STOML3: variants seen among roughly 807,000 people sequenced by gnomAD.
STOML3 encodes stomatin-like protein 3.
STOML3 carries 31 observed loss-of-function variants against 29.5 expected under a neutral mutation model. That is an observed-to-expected ratio of 1.05 (90% CI 0.79 to 1.42). The LOEUF is 1.42. Ranked by LOEUF, STOML3 falls within the 40% of genes most tolerant of loss-of-function variation. The pLI is 0.00. For synonymous variants in STOML3, 122 were observed against 139.8 expected (o/e 0.87, Z 0.90); for missense variants, 380 against 363.0 (o/e 1.05, Z -0.38).
chr13:38,990,580 C>T lies in STOML3; in HGVS notation c.52+90G>A, dbSNP rs545110173. The T allele has an allele frequency of 3.3e-5, 43 of 1,302,564 alleles. No individual in the cohort carries two copies. In the African/African-American group the frequency reaches 5.9e-4, roughly 18 times the overall value. The allele number at this position is 1,302,564 out of a possible 1,614,324, so 80.7% of individuals were successfully genotyped here. A position where few individuals can be genotyped will look rare whatever the true frequency, so the allele number is the denominator to read the frequency against. ...GAGGCCGATTTCTGCAAATATATCTCATACTTACTCTATACCTGTCTATAA... is the reference window on the plus strand; with the variant it reads ...GAGGCCGATTTCTGCAAATATATCTTATACTTACTCTATACCTGTCTATAA... On this transcript the variant is annotated intron_variant, in intron 1 of 6. Transcript: ENST00000379631.
intron 1 of STOML3, among the ~76,000 whole-genome samples, chr13:38,988,192 T>G (rs1868726422): frequency 1.4e-5 from 1 of 72,524 alleles, no homozygotes; most frequent in Admixed American, 2.2e-4. Context: ...ATATAAAATA[T>G]ATTATATTTC....
chr13:38,990,656 A>G lies in STOML3; in HGVS notation c.52+14T>C. Reference sequence around the variant, plus strand: ...ATGTAAAAAACAAGCCTAAGACAGGAAAAAGGAACTTACCCACGAAATTCT... The same window carrying G: ...ATGTAAAAAACAAGCCTAAGACAGGGAAAAGGAACTTACCCACGAAATTCT... On this transcript the variant is annotated intron_variant, in intron 1 of 6. Transcript: ENST00000379631. The G allele has an allele frequency of 6.2e-7, 1 of 1,612,956 alleles. No individual in the cohort carries two copies.
intron 1 of STOML3, among the ~76,000 whole-genome samples, chr13:38,990,138 A>G (rs1161263140): frequency 6.6e-6 from 1 of 152,184 alleles, no homozygotes; most frequent in Non-Finnish European, 1.5e-5. Context: ...TTATAAGCTA[A>G]GTTTTTTTTC....
At chr13:38,988,312 ATAATATAT>A (rs1193642054) in intron 1 of STOML3, among the ~76,000 whole-genome samples, 1 of 71,142 alleles carries the variant, frequency 1.4e-5, no homozygotes, top group Non-Finnish European at 2.2e-5. Context: ...TATTTTATAT[ATAATATAT>A]TATATTTTAT....
chr13:38,967,004 A>T lies in STOML3; in HGVS notation c.697T>A (p.Ser233Thr). 3.7e-6 allele frequency: 6 copies of T among 1,614,096 alleles called. No individual in the cohort carries two copies. Among genetic ancestry groups the T allele is most frequent in the Non-Finnish European group, 5.1e-6 (6 of 1,180,018 alleles). ...GEMNASKSLK[S>T]ASMVLAESPI... ...GACTCAGCCAGCACCATGGAGGCTGACTTCAGGGATTTGGAAGCATTCATT... is the reference window on the plus strand; with the variant it reads ...GACTCAGCCAGCACCATGGAGGCTGTCTTCAGGGATTTGGAAGCATTCATT... Residue 233 changes from serine to threonine, a missense_variant, in exon 7 of 7, where the codon TCA (serine) becomes ACA (threonine). Physicochemically the swap from Ser to Thr is moderately conservative, Grantham distance 58. Transcript: ENST00000379631.
intron 5 of STOML3, among the ~76,000 whole-genome samples, chr13:38,969,298 G>C (rs1880775288): frequency 6.6e-6 from 1 of 152,158 alleles, no homozygotes; most frequent in Non-Finnish European, 1.5e-5. Context: ...GGATCAAAAG[G>C]ATAGCTCCCC....
chr13:38,966,770 C>A lies in STOML3; in HGVS notation c.*55G>T, dbSNP rs2138002073. The A allele has an allele frequency of 2.1e-6, 3 of 1,449,088 alleles. No homozygotes were observed. The highest frequency in any genetic ancestry group is 2.3e-5 in the South Asian group (2 of 85,780). The allele number at this position is 1,449,088 out of a possible 1,614,324, so 89.8% of individuals were successfully genotyped here. On this transcript the variant is annotated 3_prime_UTR_variant, in exon 7 of 7. Transcript: ENST00000379631. ...TCTCACCGTTTCTAACTACTGGCTT[C>A]TCCATAGGAATAGACACCACTCTCT...
Position 38,967,043 on chromosome 13 carries a change from C to T in STOML3, c.658G>A (p.Ala220Thr). 5.6e-6 allele frequency: 9 copies of T among 1,613,362 alleles called. No individual in the cohort carries two copies. The highest frequency in any genetic ancestry group is 2.2e-5 in the East Asian group (1 of 44,846). Residue 220 changes from alanine (A) to threonine (T), a missense_variant, in exon 7 of 7, where the codon GCA becomes ACA. Coordinates refer to ENST00000379631, the MANE Select transcript of STOML3 (RefSeq NM_145286.3). Reference protein sequence around the residue: ...ATREARAKVLAAEGEMNASKS... With the variant: ...ATREARAKVLTAEGEMNASKS... ...GAAGCATTCATTTCTCCTTCAGCTG[C>T]AAGGACCTGAAATGACAGAAATAAA... is the stretch of plus-strand genomic sequence containing the variant.
rs1371532602 is a variant in STOML3, at chr13:38,987,789, TATATATTATATTTTATATATA to T, written c.52+2860_52+2880del. 1.8e-4 allele frequency among the ~76,000 whole-genome samples: 20 copies of T among 112,590 alleles called. 1 individual carries two copies. Among genetic ancestry groups the T allele is most frequent in the South Asian group, 1.7e-3 (7 of 4,124 alleles). The allele number at this position is 112,590 out of a possible 152,430, so 73.9% of individuals were successfully genotyped here. On this transcript the variant is annotated intron_variant, in intron 1 of 6. Coordinates refer to ENST00000379631, the MANE Select transcript of STOML3 (RefSeq NM_145286.3). ...ATAATATATACTATTGTGTATATAT[TATATATTATATTTTATATATA>T]ATATATTATATTTTATATAATATAT...
chr13:38,969,968 C>T (rs146819078), intron 5 of STOML3, among the ~76,000 whole-genome samples: 144 of 152,290 alleles, frequency 9.5e-4, no homozygotes, highest in African/African-American at 3.1e-3. Context: ...ACATTTTCAG[C>T]AACTGCTTTC....
chr13:38,986,965 G>A (rs972565713), intron 1 of STOML3, among the ~76,000 whole-genome samples: 1 of 152,070 alleles, frequency 6.6e-6, no homozygotes, highest in African/African-American at 2.4e-5. Context: ...TAAGATTTCT[G>A]TGATCTAGAT....
intron 4 of STOML3, 43 bp from the exon 5 acceptor site, chr13:38,970,431 C>A: frequency 6.5e-7 from 1 of 1,549,528 alleles, no homozygotes; most frequent in Non-Finnish European, 8.9e-7. Context: ...TTATGACTTT[C>A]ACCACTACTG....
chr13:38,988,626 A>G (rs1479314691), intron 1 of STOML3, among the ~76,000 whole-genome samples: 1 of 124,468 alleles, frequency 8.0e-6, no homozygotes. Flanking sequence ...TATATATAAT[A>G]TATTATATTT....
At chr13:38,976,864 G>T in intron 1 of STOML3, 67 bp from the exon 2 acceptor site, 1 of 1,375,922 alleles carries the variant, frequency 7.3e-7, no homozygotes, top group Non-Finnish European at 1.0e-6. Context: ...CAGCTGCATG[G>T]GTGTGGAACC....
rs1880686336 is a variant in STOML3 at position 38,967,101 on chromosome 13, A to G, written c.652-52T>C. The G allele has an allele frequency of 3.3e-6, 5 of 1,529,382 alleles. No individual in the cohort carries two copies. The East Asian group carries it at 1.2e-4, about 36-fold the overall frequency. The allele number at this position is 1,529,382 out of a possible 1,614,324, so 94.7% of individuals were successfully genotyped here. A position where few individuals can be genotyped will look rare whatever the true frequency, so the allele number is the denominator to read the frequency against. On this transcript the variant is annotated intron_variant, in intron 6 of 6. Transcript: ENST00000379631. ...AGAAATAAAAGTTTACACTATAACT[A>G]GTTCTTTCTTTTTCTGGGTCTGTAT...
intron 1 of STOML3, 144 bp downstream of exon 1, chr13:38,990,526 A>G: frequency 1.5e-6 from 1 of 661,616 alleles, no homozygotes; most frequent in Non-Finnish European, 2.4e-6. Flanking sequence ...TAAGCAATGA[A>G]TTCAAAATCC....
At chr13:38,986,181 G>A (rs764461285) in intron 1 of STOML3, among the ~76,000 whole-genome samples, 10 of 150,526 alleles carry the variant, frequency 6.6e-5, no homozygotes, top group Non-Finnish European at 1.2e-4. Context: ...ATAACAGAAC[G>A]GCACCACCAC....
chr13:38,972,153 T>G (rs1410588354), intron 4 of STOML3, among the ~76,000 whole-genome samples: 3 of 152,180 alleles, frequency 2.0e-5, no homozygotes. Context: ...ATCTGCCCTC[T>G]GTCAGATTCA....
chr13:38,980,038 A>T, intron 1 of STOML3: 1 of 1,551,606 alleles, frequency 6.4e-7, no homozygotes, highest in South Asian at 1.2e-5. Context: ...TGTCACAGAG[A>T]AAATCGCACT....
Sources: allele counts gnomAD v4.1 joint callset (sites outside exome capture counted in the v4.1 genomes callset), GRCh38; gene constraint gnomAD v4.1.1; transcripts MANE v1.5; gene names NCBI Gene and HGNC (gene_info 2026-07-23, HGNC 2026-07-21).